GSTO1: variants seen among roughly 807,000 people sequenced by gnomAD.
GSTO1 encodes glutathione S-transferase omega-1.
In GSTO1, 27 loss-of-function variants were observed where a neutral mutation model predicts 23.8. The ratio of observed to expected loss-of-function variants is 1.13; its 90% CI spans 0.83 to 1.56. The LOEUF (loss-of-function observed/expected upper bound fraction) is 1.56. Among genes scored for constraint, GSTO1 ranks in the 40% most tolerant of loss-of-function variants. The pLI, the probability that GSTO1 is intolerant of heterozygous loss-of-function variation, is 0.00. For synonymous variants in GSTO1, 105 were observed against 109.3 expected (o/e 0.96, Z 0.25); for missense variants, 255 against 285.8 (o/e 0.89, Z 0.78).
chr10:104,266,078 GT>G lies in GSTO1; in HGVS notation c.466-4del. 7.0e-7 allele frequency: 1 copy of G among 1,425,710 alleles called. No homozygotes were observed. The highest frequency in any genetic ancestry group is 1.1e-5 in the South Asian group (1 of 87,120). 88.3% of individuals were successfully genotyped at this position (1,425,710 alleles called of 1,614,324 possible). A position where few individuals can be genotyped will look rare whatever the true frequency, so the allele number is the denominator to read the frequency against. On this transcript the variant is annotated splice_polypyrimidine_tract_variant and splice_region_variant and intron_variant, in intron 4 of 5. Coordinates refer to ENST00000369713, the MANE Select transcript of GSTO1 (RefSeq NM_004832.3). The stretch of plus-strand genomic sequence containing the variant: ...AAGAAATACTTTTATGCTGTTTAAT[GT>G]TCAGGTTCTGACTAATAAGAAGACG...
At chr10:104,260,627 A>C (rs191819466) in intron 3 of GSTO1, among the ~76,000 whole-genome samples, 3 of 152,366 alleles carry the variant, frequency 2.0e-5, no homozygotes, top group Admixed American at 1.3e-4. Flanking sequence ...AGTATTAACA[A>C]AGAAATGACT....
At chr10:104,264,999 A>G (rs2011167843) in intron 4 of GSTO1, among the ~76,000 whole-genome samples, 3 of 152,238 alleles carry the variant, frequency 2.0e-5, no homozygotes, top group Admixed American at 1.3e-4. Flanking sequence ...CCAGGAAAAG[A>G]GCAAAATTCA....
intron 3 of GSTO1, among the ~76,000 whole-genome samples, chr10:104,260,357 T>C (rs1341714528): frequency 2.0e-5 from 3 of 152,158 alleles, no homozygotes; most frequent in South Asian, 4.1e-4. Context: ...ACTTATTACT[T>C]TGCCTCTCCG....
intron 2 of GSTO1, among the ~76,000 whole-genome samples, chr10:104,257,157 C>G (rs1344763973): frequency 6.6e-6 from 1 of 151,972 alleles, no homozygotes; most frequent in Non-Finnish European, 1.5e-5. Context: ...ATGGACCTAG[C>G]TCCTTTCTCT....
At chr10:104,264,253 ATTGGTTTT>A (rs1416159927) in intron 4 of GSTO1, among the ~76,000 whole-genome samples, 2 of 152,094 alleles carry the variant, frequency 1.3e-5, no homozygotes. Flanking sequence ...TTTAATGGTA[ATTGGTTTT>A]TTGGTTTTAT....
rs2011122417 is a variant in GSTO1, at chr10:104,259,627, G to A, written c.195G>A (p.Lys65=). 4.3e-6 allele frequency: 7 copies of A among 1,613,700 alleles called. No individual in the cohort carries two copies. Among genetic ancestry groups the A allele is most frequent in the African/African-American group, 2.7e-5 (2 of 75,012 alleles). ...NLKNKPEWFF[K]KNPFGLVPVL... ...AAAATAAGCCTGAGTGGTTCTTTAA[G>A]AAAAATCCCTTTGGTCTGGTGCCAG... The change falls in exon 3 of 6, where the codon AAG becomes AAA. Residue 65 remains lysine (K), a synonymous_variant. Transcript: ENST00000369713.
At chr10:104,265,824 CTTTGTAT>C (rs1049510916) in intron 4 of GSTO1, among the ~76,000 whole-genome samples, 1 of 152,096 alleles carries the variant, frequency 6.6e-6, no homozygotes, top group Non-Finnish European at 1.5e-5. Flanking sequence ...AATACCAGTC[CTTTGTAT>C]TACAAATATG....
Position 104,255,164 on chromosome 10 carries a change from A to G in GSTO1, c.36A>G (p.Gly12=). 1 of 1,611,858 alleles carries G rather than the reference A, an allele frequency of 6.2e-7. No individual in the cohort carries two copies. Among genetic ancestry groups the G allele is most frequent in the South Asian group, 1.1e-5 (1 of 91,026 alleles). Residue 12 remains glycine, a splice_region_variant and synonymous_variant, in exon 2 of 6, where the codon GGA becomes GGG. Transcript: ENST00000369713. ...ATCGCCTTCGCTTCTCCCCGGCAGG[A>G]AGCGCGCCCCCGGGGCCGGTCCCGG... ...SGESARSLGK[G]SAPPGPVPEG... is the part of the protein sequence containing the mutation.
intron 2 of GSTO1, among the ~76,000 whole-genome samples, chr10:104,256,414 G>A (rs1029820392): frequency 6.6e-6 from 1 of 152,174 alleles, no homozygotes; most frequent in African/African-American, 2.4e-5. Context: ...ACAAAGTCCT[G>A]GGTTATGTGC....
chr10:104,266,557 T>A (rs978216460), intron 5 of GSTO1, among the ~76,000 whole-genome samples: 2 of 152,134 alleles, frequency 1.3e-5, no homozygotes, highest in African/African-American at 4.8e-5. Flanking sequence ...GCCAATGTGG[T>A]GAAACCCCAT....
chr10:104,254,835 G>A, upstream of GSTO1: 1 of 1,255,544 alleles, frequency 8.0e-7, no homozygotes, highest in Non-Finnish European at 1.1e-6. Context: ...AGCTAAGGAG[G>A]AAGCGGGGGA....
In GSTO1 at chr10:104,267,375, C is replaced by T. The variant is rs758238780; in HGVS notation, c.696C>T (p.Asn232=). 27 of 1,613,598 alleles carry T rather than the reference C, an allele frequency of 1.7e-5. No homozygotes were observed. Among genetic ancestry groups the T allele is most frequent in the Non-Finnish European group, 2.3e-5 (27 of 1,179,696 alleles). The change falls in exon 6 of 6, where the codon AAC becomes AAT. Residue 232 remains asparagine (N), a synonymous_variant. Coordinates refer to ENST00000369713, the MANE Select transcript of GSTO1 (RefSeq NM_004832.3). ...GTTTCCTAGAGCTCTACTTACAGAACAGCCCTGAGGCCTGTGACTATGGGC... is the reference window on the plus strand; with the variant it reads ...GTTTCCTAGAGCTCTACTTACAGAATAGCCCTGAGGCCTGTGACTATGGGC... ...WQGFLELYLQ[N]SPEACDYGL
intron 4 of GSTO1, among the ~76,000 whole-genome samples, chr10:104,264,026 G>A (rs1451289451): frequency 6.6e-6 from 1 of 151,842 alleles, no homozygotes; most frequent in African/African-American, 2.4e-5. Context: ...ATTTTTGTAT[G>A]TGTGTTCATA....
chr10:104,263,172 T>A, intron 4 of GSTO1, 95 bp downstream of exon 4: 1 of 594,538 alleles, frequency 1.7e-6, no homozygotes, highest in South Asian at 2.1e-5. Flanking sequence ...ACTTTCCAAG[T>A]CACTTTAAGG....
rs530031513 is a variant in GSTO1, at chr10:104,259,484, G to A, written c.144-92G>A. 1.5e-5 allele frequency: 11 copies of A among 751,626 alleles called. No individual in the cohort carries two copies. The South Asian group carries it at 1.7e-4, about 12-fold the overall frequency. The allele number at this position is 751,626 out of a possible 1,614,324, so 46.6% of individuals were successfully genotyped here. On this transcript the variant is annotated intron_variant, in intron 2 of 5. Coordinates refer to ENST00000369713, the MANE Select transcript of GSTO1 (RefSeq NM_004832.3). ...AGGCAGACTCCTAAATTTGGGGTCT[G>A]ATCAGCTAAGTGGATGGCAAAGCCA... is the stretch of plus-strand genomic sequence containing the variant.
chr10:104,265,683 G>T (rs1483426755), intron 4 of GSTO1, among the ~76,000 whole-genome samples: 1 of 152,200 alleles, frequency 6.6e-6, no homozygotes, highest in East Asian at 1.9e-4. Flanking sequence ...GACTAATGCA[G>T]TTGAACACCT....
At chr10:104,257,995 C>T (rs898206642) in intron 2 of GSTO1, among the ~76,000 whole-genome samples, 1 of 152,170 alleles carries the variant, frequency 6.6e-6, no homozygotes, top group Non-Finnish European at 1.5e-5. Context: ...AACAGATACA[C>T]AAGATCCCAC....
intron 4 of GSTO1, 60 bp from the exon 5 acceptor site, chr10:104,266,024 T>C (rs45602840): frequency 1.4e-4 from 119 of 878,462 alleles, no homozygotes; most frequent in Admixed American, 3.8e-4. Flanking sequence ...CCTTCAGCAT[T>C]TCTAGTGAGT....
At chr10:104,258,497 A>T (rs76263400) in intron 2 of GSTO1, among the ~76,000 whole-genome samples, 2,400 of 152,328 alleles carry the variant, frequency 0.016, 28 homozygotes, top group Non-Finnish European at 0.023. Context: ...CATACCTGGT[A>T]AGGGGTTAAT....
Sources: allele counts gnomAD v4.1 joint callset (sites outside exome capture counted in the v4.1 genomes callset), GRCh38; gene constraint gnomAD v4.1.1; transcripts MANE v1.5; gene names NCBI Gene and HGNC (gene_info 2026-07-23, HGNC 2026-07-21).